LRRC4C: variants seen among roughly 807,000 people sequenced by gnomAD.
LRRC4C encodes the protein leucine-rich repeat-containing protein 4C.
Under a neutral mutation model 33.6 loss-of-function variants are expected in LRRC4C, and 5 were observed. The observed-to-expected ratio is 0.15, with a 90% confidence interval of 0.08 to 0.31. The LOEUF (loss-of-function observed/expected upper bound fraction) is 0.31. LRRC4C is among the 10% of genes least tolerant of loss of function. LRRC4C has a pLI of 1.00. For missense variants in LRRC4C, 560 were observed against 796.7 expected (o/e 0.70, Z 3.58); for synonymous variants, 329 against 302.0 (o/e 1.09, Z -0.93).
At chr11:40,781,208 T>TA (rs1950198603) in intron 2 of LRRC4C, among the ~76,000 whole-genome samples, 1 of 152,078 alleles carries the variant, frequency 6.6e-6, no homozygotes, top group South Asian at 2.1e-4. Context: ...ATAGAAAAGG[T>TA]ACAGTAAAAT....
intron 1 of LRRC4C, among the ~76,000 whole-genome samples, chr11:41,071,390 C>T (rs1938670165): frequency 6.6e-6 from 1 of 152,038 alleles, no homozygotes; most frequent in African/African-American, 2.4e-5. Flanking sequence ...ACATTCTGCA[C>T]ATGTGTCCCG....
chr11:40,986,423 C>A (rs1852999700), intron 1 of LRRC4C, among the ~76,000 whole-genome samples: 1 of 152,034 alleles, frequency 6.6e-6, no homozygotes, highest in African/African-American at 2.4e-5. Context: ...CATAGCGAGA[C>A]CGCATCTCCA....
intron 1 of LRRC4C, among the ~76,000 whole-genome samples, chr11:41,056,717 A>G (rs1304386025): frequency 6.6e-6 from 1 of 152,238 alleles, no homozygotes; most frequent in African/African-American, 2.4e-5. Flanking sequence ...ATGAGATACC[A>G]TATCATACCA....
intron 1 of LRRC4C, among the ~76,000 whole-genome samples, chr11:41,271,426 A>T (rs1591119602): frequency 6.6e-6 from 1 of 152,138 alleles, no homozygotes; most frequent in South Asian, 2.1e-4. Context: ...CTGTTCTACA[A>T]GGACATCAAC....
chr11:40,474,303 A>G (rs1336172447), intron 3 of LRRC4C, among the ~76,000 whole-genome samples: 1 of 152,180 alleles, frequency 6.6e-6, no homozygotes, highest in Admixed American at 6.5e-5. Context: ...TGGATCTTTG[A>G]CAAACATGAC....
At chr11:40,642,346 T>C (rs529295883) in intron 3 of LRRC4C, among the ~76,000 whole-genome samples, 1 of 152,326 alleles carries the variant, frequency 6.6e-6, no homozygotes, top group Admixed American at 6.5e-5. Context: ...ATATTGTATC[T>C]AGAAATGTTA....
At chr11:41,418,691 A>G (rs903533508) in intron 1 of LRRC4C, among the ~76,000 whole-genome samples, 7 of 152,052 alleles carry the variant, frequency 4.6e-5, no homozygotes, top group African/African-American at 1.7e-4. Flanking sequence ...CACAAAATAA[A>G]TGTATTTAAA....
At position 40,115,821 on chromosome 11, in the gene LRRC4C, T is replaced by C; in HGVS notation, c.472A>G (p.Asn158Asp). The C allele has an allele frequency of 6.2e-7, 1 of 1,614,150 alleles. No individual in the cohort carries two copies. Among genetic ancestry groups the C allele is most frequent in the Non-Finnish European group, 8.5e-7 (1 of 1,180,024 alleles). The part of the protein sequence containing the change: ...SKLKELWLRN[N>D]PIESIPSYAF... The stretch of plus-strand genomic sequence containing the variant: ...TAAGAAGGGATGCTTTCAATGGGGT[T>C]GTTTCGCAACCAGAGCTCCTTCAGT... The change falls in exon 7 of 7, where the codon AAC (asparagine) becomes GAC (aspartate). Residue 158 changes from asparagine to aspartate, a missense_variant. By Grantham distance (23) the Asn-to-Asp change is conservative. This residue lies in a region of LRRC4C where 455 missense variants were observed against 643.8 expected (regional missense o/e 0.71). Transcript: ENST00000528697. The surrounding 1 kb of genome is among the most constrained non-coding windows in gnomAD (Gnocchi z 6.7).
At chr11:40,416,148 TAC>T (rs1478251448) in intron 3 of LRRC4C, among the ~76,000 whole-genome samples, 1 of 152,172 alleles carries the variant, frequency 6.6e-6, no homozygotes, top group Non-Finnish European at 1.5e-5. Flanking sequence ...CATAATTCAA[TAC>T]CTTCAACAAT....
chr11:41,226,734 T>G (rs1162864321), intron 1 of LRRC4C, among the ~76,000 whole-genome samples: 3 of 102,460 alleles, frequency 2.9e-5, no homozygotes, highest in Non-Finnish European at 5.9e-5. Context: ...GCTAAAATCC[T>G]TACCATTACA....
intron 1 of LRRC4C, among the ~76,000 whole-genome samples, chr11:41,450,845 G>T (rs944815138): frequency 6.6e-6 from 1 of 151,788 alleles, no homozygotes; most frequent in Non-Finnish European, 1.5e-5. Context: ...ATTTCTCCTC[G>T]GAAACATTAT....
chr11:40,702,672 C>T (rs35602651), intron 2 of LRRC4C, among the ~76,000 whole-genome samples: 1 of 152,044 alleles, frequency 6.6e-6, no homozygotes, highest in East Asian at 1.9e-4. Flanking sequence ...TGGTTTTCTT[C>T]AATTACCATA....
intron 3 of LRRC4C, among the ~76,000 whole-genome samples, chr11:40,467,775 T>C (rs547340484): frequency 2.3e-4 from 35 of 152,322 alleles, no homozygotes; most frequent in South Asian, 6.2e-4. Flanking sequence ...TGGAGCAATA[T>C]GCTCTATGGA....
intron 3 of LRRC4C, among the ~76,000 whole-genome samples, chr11:40,572,302 T>C (rs2135572112): frequency 6.6e-6 from 1 of 152,294 alleles, no homozygotes; most frequent in South Asian, 2.1e-4. Flanking sequence ...ATGCCATAAT[T>C]AGGCCCTGCC....
intron 2 of LRRC4C, among the ~76,000 whole-genome samples, chr11:40,784,932 A>C (rs1171546867): frequency 6.6e-6 from 1 of 152,300 alleles, no homozygotes; most frequent in South Asian, 2.1e-4. Context: ...AAAGGGAGGA[A>C]GAAAATGTGA....
At chr11:40,344,906 G>A (rs1160575749) in intron 3 of LRRC4C, among the ~76,000 whole-genome samples, 6 of 152,056 alleles carry the variant, frequency 3.9e-5, no homozygotes, top group Non-Finnish European at 7.4e-5. Context: ...ATTCACAAGA[G>A]CTACAAAGAG....
intron 5 of LRRC4C, among the ~76,000 whole-genome samples, chr11:40,147,112 C>G (rs180723144): frequency 7.3e-4 from 111 of 152,278 alleles, no homozygotes; most frequent in African/African-American, 2.6e-3. Flanking sequence ...CCTCATGTTG[C>G]AAGTGCCTGA....
At chr11:41,055,596 T>C (rs896054897) in intron 1 of LRRC4C, among the ~76,000 whole-genome samples, 1 of 152,208 alleles carries the variant, frequency 6.6e-6, no homozygotes, top group Admixed American at 6.5e-5. Flanking sequence ...GGTTGATTTA[T>C]ACATCAACTC....
intron 3 of LRRC4C, among the ~76,000 whole-genome samples, chr11:40,555,696 A>T (rs1475675107): frequency 1.3e-5 from 2 of 152,216 alleles, no homozygotes; most frequent in African/African-American, 4.8e-5. Context: ...CTGATGAGCT[A>T]AAGAAAAAAG....
Sources: gnomAD v4.1 joint callset for allele counts (sites outside exome capture counted in the v4.1 genomes callset) on GRCh38, gnomAD v4.1.1 for gene constraint, gnomAD v4.1.1 regional missense constraint, Gnocchi (gnomAD v3.1) non-coding constraint, MANE v1.5 for transcripts, NCBI Gene and HGNC (gene_info 2026-07-23, HGNC 2026-07-21) for gene names.